The following DMRT2 variants were observed in gnomAD, a reference collection of about 807,000 sequenced individuals.
DMRT2 encodes the protein doublesex- and mab-3-related transcription factor 2.
Under a neutral mutation model 43.5 loss-of-function variants are expected in DMRT2, and 33 were observed. That is an observed-to-expected ratio of 0.76 (90% confidence interval 0.58 to 1.01). The LOEUF is 1.01. DMRT2 is among the 50% of genes least tolerant of loss of function. DMRT2 has a pLI of 0.00. For missense variants in DMRT2, 1,064 were observed against 748.0 expected (o/e 1.42, Z -4.93); for synonymous variants, 395 against 309.2 (o/e 1.28, Z -2.91).
rs1821483045 is a variant in DMRT2 at position 1,050,392 on chromosome 9, C to T, written c.-428C>T. ...CGCTGAATGCAACTGCGCGCGCCCG[C>T]CGGGTGAGCCAGCGATCTGAGCCAG... On this transcript the variant is annotated 5_prime_UTR_variant, in exon 1 of 4. Coordinates refer to ENST00000358146, the MANE Select transcript of DMRT2 (RefSeq NM_181872.6). 1 of 152,246 alleles carries T rather than the reference C, an allele frequency of 6.6e-6. No individual in the cohort carries two copies. The highest frequency in any genetic ancestry group is 1.5e-5 in the Non-Finnish European group (1 of 68,086). The allele number at this position is 152,246 out of a possible 1,614,324, so 9.4% of individuals were successfully genotyped here.
intron 3 of DMRT2, among the ~76,000 whole-genome samples, chr9:1,055,423 G>T (rs1181056875): frequency 6.6e-6 from 1 of 152,188 alleles, no homozygotes; most frequent in Admixed American, 6.5e-5. Context: ...ATGATTGCTT[G>T]TTCAACCATT....
At position 1,056,878 on chromosome 9, in the gene DMRT2, C is replaced by CCACCCCGACGGAATT. The variant is rs748491009; in HGVS notation, c.1292_1306dup (p.Asn435_Phe436insSerProArgArgAsn). 1 of 1,614,156 alleles carries CCACCCCGACGGAATT rather than the reference C, an allele frequency of 6.2e-7. No individual in the cohort carries two copies. The highest frequency in any genetic ancestry group is 1.1e-5 in the South Asian group (1 of 91,078). On this transcript the variant is annotated inframe_insertion, in exon 4 of 4. Coordinates refer to ENST00000358146, the MANE Select transcript of DMRT2 (RefSeq NM_181872.6). The stretch of plus-strand genomic sequence containing the variant: ...TGTCCCAGAGAGGTCCGCGTTCTCC[C>CCACCCCGACGGAATT]CACCCCGACGGAATTTCTCTCCCAT...
Position 1,056,273 on chromosome 9 carries a change from C to A in DMRT2, c.686C>A (p.Pro229Gln). ...GGAGGGACCTTCCCTCTACCTCCCC[C>A]AGTTAGTGACAGGATGAGGAAAAGA... ...YVGGTFPLPP[P>Q]VSDRMRKRRA... is the part of the protein sequence containing the mutation. The change falls in exon 4 of 4, where the codon CCA (proline) becomes CAA (glutamine). Residue 229 changes from proline to glutamine, a missense_variant. By Grantham distance (76) the Pro-to-Gln change is moderately conservative. Transcript: ENST00000358146. 1 of 1,614,164 alleles carries A rather than the reference C, an allele frequency of 6.2e-7. No homozygotes were observed. Among genetic ancestry groups the A allele is most frequent in the Non-Finnish European group, 8.5e-7 (1 of 1,180,014 alleles).
In DMRT2 at chr9:1,051,483, G is replaced by C; in HGVS notation, c.-44-87G>C. ...CAGGATGACTCAAGCGGCCGGAGGC[G>C]GGCAGACCAGGAGCTTTGGGCCGGA... On this transcript the variant is annotated intron_variant, in intron 1 of 3. Transcript: ENST00000358146. This position sits in a 1 kb window ranked among gnomAD's most constrained non-coding sequence, Gnocchi z 5.9. 7.2e-7 allele frequency: 1 copy of C among 1,384,636 alleles called. No homozygotes were observed. The highest frequency in any genetic ancestry group is 9.3e-7 in the Non-Finnish European group (1 of 1,073,580). The allele number at this position is 1,384,636 out of a possible 1,614,324, so 85.8% of individuals were successfully genotyped here.
intron 2 of DMRT2, among the ~76,000 whole-genome samples, 159 bp downstream of exon 2, chr9:1,052,297 G>A (rs1821652049): frequency 6.6e-6 from 1 of 152,142 alleles, no homozygotes. Context: ...GCACTGGCGA[G>A]CAGGGTCGGG....
intron 3 of DMRT2, among the ~76,000 whole-genome samples, chr9:1,054,877 T>C (rs1217123755): frequency 6.6e-6 from 1 of 152,022 alleles, no homozygotes; most frequent in East Asian, 1.9e-4. Flanking sequence ...GGTTTGTGTG[T>C]GTCCTATAAA....
At chr9:1,056,034 C>T in intron 3 of DMRT2, 182 bp from the exon 4 acceptor site, 2 of 1,423,980 alleles carry the variant, frequency 1.4e-6, no homozygotes, top group East Asian at 5.1e-5. Flanking sequence ...GGATATCTTT[C>T]ACCCTCCCAG....
chr9:1,057,281 C>T lies in DMRT2; in HGVS notation c.*8C>T. On this transcript the variant is annotated 3_prime_UTR_variant, in exon 4 of 4. Coordinates refer to ENST00000358146, the MANE Select transcript of DMRT2 (RefSeq NM_181872.6). Reference sequence around the variant, plus strand: ...ACTCGTGTCTCTCAGTGAAAGGCTGCTTAAACAGAAAGCTGGATTTTCTGC... The same window carrying T: ...ACTCGTGTCTCTCAGTGAAAGGCTGTTTAAACAGAAAGCTGGATTTTCTGC... 1 of 1,594,440 alleles carries T rather than the reference C, an allele frequency of 6.3e-7. No individual in the cohort carries two copies. Among genetic ancestry groups the T allele is most frequent in the Non-Finnish European group, 8.5e-7 (1 of 1,172,294 alleles).
chr9:1,053,647 G>A (rs933412466), intron 2 of DMRT2, 75 bp from the exon 3 acceptor site: 5 of 1,241,568 alleles, frequency 4.0e-6, no homozygotes, highest in Admixed American at 4.2e-5. Flanking sequence ...GAAGATTTAC[G>A]GACATCCCGT....
Position 1,053,730 on chromosome 9 carries a change from G to A in DMRT2, c.534G>A (p.Lys178=). Residue 178 remains lysine (K), a synonymous_variant, in exon 3 of 4, where the codon AAG becomes AAA. Transcript: ENST00000358146. ...GTTTCTTGTGTTTACAGGACAAGAAGGGGCTTTCCGGGAAACAGAATAATT... is the reference window on the plus strand; with the variant it reads ...GTTTCTTGTGTTTACAGGACAAGAAAGGGCTTTCCGGGAAACAGAATAATT... ...LRRQQATEDK[K]GLSGKQNNFE... 6.2e-7 allele frequency: 1 copy of A among 1,613,638 alleles called. No individual in the cohort carries two copies. Among genetic ancestry groups the A allele is most frequent in the Non-Finnish European group, 8.5e-7 (1 of 1,179,706 alleles).
chr9:1,052,202 G>T, intron 2 of DMRT2, 64 bp downstream of exon 2: 1 of 1,271,530 alleles, frequency 7.9e-7, no homozygotes, highest in Non-Finnish European at 1.0e-6. Context: ...GGAGGGGAGC[G>T]GGGCGGCCGT....
intron 2 of DMRT2, among the ~76,000 whole-genome samples, chr9:1,053,330 C>G (rs1218110259): frequency 6.6e-6 from 1 of 152,264 alleles, no homozygotes; most frequent in African/African-American, 2.4e-5. Flanking sequence ...CACCTTCTAT[C>G]CGACAGGTGG....
At position 1,053,958 on chromosome 9, in the gene DMRT2, TAG is replaced by T. The variant is rs1344638470; in HGVS notation, c.628+135_628+136del. The T allele has an allele frequency of 7.1e-6, 5 of 705,314 alleles. No individual in the cohort carries two copies. The African/African-American group carries it at 8.9e-5, about 13-fold the overall frequency. The allele number at this position is 705,314 out of a possible 1,614,324, so 43.7% of individuals were successfully genotyped here. On this transcript the variant is annotated intron_variant, in intron 3 of 3. Coordinates refer to ENST00000358146, the MANE Select transcript of DMRT2 (RefSeq NM_181872.6). ...TACTTTTTATTAGAAAGGTTTTGTT[TAG>T]GTGTTCGCTGAGCCCGTACGCTAAA...
rs191456726 is a variant in DMRT2, at chr9:1,056,751, T to C, written c.1164T>C (p.Ser388=). ...LKGARVQDGL[S]AEQDMMPSKL... ...GAGCACGAGTCCAGGATGGACTCAG[T>C]GCAGAGCAGGACATGATGCCATCGA... The change falls in exon 4 of 4, where the codon AGT becomes AGC. Residue 388 remains serine, a synonymous_variant. Coordinates refer to ENST00000358146, the MANE Select transcript of DMRT2 (RefSeq NM_181872.6). 1.2e-6 allele frequency: 2 copies of C among 1,614,128 alleles called. No homozygotes were observed. Among genetic ancestry groups the C allele is most frequent in the Non-Finnish European group, 1.7e-6 (2 of 1,180,028 alleles).
At position 1,051,343 on chromosome 9, in the gene DMRT2, C is replaced by G. The variant is rs1253074446; in HGVS notation, c.-44-227C>G. 6.6e-6 allele frequency among the ~76,000 whole-genome samples: 1 copy of G among 152,172 alleles called. No homozygotes were observed. The highest frequency in any genetic ancestry group is 1.5e-5 in the Non-Finnish European group (1 of 68,016). The stretch of plus-strand genomic sequence containing the variant: ...GGGCCACGGTTAAAGGTCAGGTACT[C>G]ACAGAGCACTTAGAATTAATAAAAT... On this transcript the variant is annotated intron_variant, in intron 1 of 3. Transcript: ENST00000358146. The surrounding 1 kb of genome is among the most constrained non-coding windows in gnomAD (Gnocchi z 5.9).
chr9:1,056,552 T>G lies in DMRT2; in HGVS notation c.965T>G (p.Ile322Ser). Residue 322 changes from isoleucine to serine, a missense_variant, in exon 4 of 4, where the codon ATT becomes AGT. Physicochemically the swap from Ile to Ser is moderately radical, Grantham distance 142. Transcript: ENST00000358146. ...QYSGSGNMEL[I>S]SSNVSVATTY... ...TCAGGGTCTGGGAATATGGAACTAA[T>G]TTCTTCTAATGTCAGCGTGGCCACA... The G allele has an allele frequency of 1.2e-6, 2 of 1,614,194 alleles. No homozygotes were observed. The highest frequency in any genetic ancestry group is 1.7e-6 in the Non-Finnish European group (2 of 1,180,032).
At position 1,051,841 on chromosome 9, in the gene DMRT2, C is replaced by T. The variant is rs1332084868; in HGVS notation, c.228C>T (p.Gly76=). 9.1e-6 allele frequency: 13 copies of T among 1,431,772 alleles called. No homozygotes were observed. Among genetic ancestry groups the T allele is most frequent in the Non-Finnish European group, 1.2e-5 (13 of 1,100,902 alleles). 88.7% of individuals were successfully genotyped at this position (1,431,772 alleles called of 1,614,324 possible). ...EEAGASPGMP[G]QPEQRGGPQP... is the part of the protein sequence containing the mutation. ...CAGGCGCGTCCCCCGGGATGCCCGG[C>T]CAGCCGGAGCAGCGGGGGGGACCGC... Residue 76 remains glycine (G), a synonymous_variant, in exon 2 of 4, where the codon GGC becomes GGT. Transcript: ENST00000358146. The surrounding 1 kb of genome is among the most constrained non-coding windows in gnomAD (Gnocchi z 5.9).
chr9:1,054,685 TA>T (rs1246722873), intron 3 of DMRT2: 1 of 150,342 alleles, frequency 6.7e-6, no homozygotes, highest in Non-Finnish European at 1.5e-5. Context: ...CTCAATAATA[TA>T]TTGACTATTT....
In DMRT2 at chr9:1,052,013, T is replaced by A; in HGVS notation, c.400T>A (p.Cys134Ser). Residue 134 changes from cysteine (C) to serine (S), a missense_variant, in exon 2 of 4, where the codon TGC becomes AGC. Physicochemically the swap from Cys to Ser is moderately radical, Grantham distance 112 (BLOSUM62 -1). Coordinates refer to ENST00000358146, the MANE Select transcript of DMRT2 (RefSeq NM_181872.6). ...CTGCCGCAACCACGGCGTGGTGTCC[T>A]GCCTGAAGGGCCACAAGCGCTTCTG... Reference protein sequence around the residue: ...ARCRNHGVVSCLKGHKRFCRW... With the variant: ...ARCRNHGVVSSLKGHKRFCRW... 6.8e-7 allele frequency: 1 copy of A among 1,472,350 alleles called. No homozygotes were observed. The highest frequency in any genetic ancestry group is 8.9e-7 in the Non-Finnish European group (1 of 1,118,430). 91.2% of individuals were successfully genotyped at this position (1,472,350 alleles called of 1,614,324 possible). A position where few individuals can be genotyped will look rare whatever the true frequency, so the allele number is the denominator to read the frequency against.
Sources: gnomAD v4.1 joint callset for allele counts (sites outside exome capture counted in the v4.1 genomes callset) on GRCh38, gnomAD v4.1.1 for gene constraint, Gnocchi (gnomAD v3.1) non-coding constraint, MANE v1.5 for transcripts, NCBI Gene and HGNC (gene_info 2026-07-23, HGNC 2026-07-21) for gene names.